The following PAPPA2 variants were observed in gnomAD, a reference collection of about 807,000 sequenced individuals.
PAPPA2 encodes the protein pappalysin-2.
In PAPPA2, 86 loss-of-function variants were observed where a neutral mutation model predicts 176.4. The observed-to-expected ratio is 0.49, with a 90% CI of 0.41 to 0.58. PAPPA2 has a LOEUF of 0.58. Among genes scored for constraint, PAPPA2 ranks in the 20% least tolerant of loss-of-function variants. The pLI is 0.00. For synonymous variants in PAPPA2, 809 were observed against 852.2 expected, an observed-to-expected ratio of 0.95 and a Z score of 0.88; for missense variants, 2,073 against 2,256.9, an observed-to-expected ratio of 0.92 and a Z score of 1.65.
intron 6 of PAPPA2, among the ~76,000 whole-genome samples, chr1:176,694,882 A>C (rs1019778417): frequency 1.3e-5 from 2 of 152,322 alleles, no homozygotes; most frequent in Admixed American, 1.3e-4. Flanking sequence ...ATGTGAATGG[A>C]AATTCTCAAC....
intron 17 of PAPPA2, among the ~76,000 whole-genome samples, chr1:176,772,133 T>C (rs1430928644): frequency 5.9e-5 from 9 of 152,226 alleles, no homozygotes; most frequent in Admixed American, 5.2e-4. Flanking sequence ...AAACTTTTTC[T>C]GAGTGAACGA....
chr1:176,654,441 A>G (rs1218432521), intron 3 of PAPPA2, among the ~76,000 whole-genome samples: 4 of 148,824 alleles, frequency 2.7e-5, no homozygotes, highest in Non-Finnish European at 6.0e-5. Context: ...GATATAATAC[A>G]TATATATAAT....
intron 2 of PAPPA2, among the ~76,000 whole-genome samples, chr1:176,563,247 C>T (rs1301637289): frequency 6.6e-6 from 1 of 152,114 alleles, no homozygotes; most frequent in Non-Finnish European, 1.5e-5. Context: ...CAGTGGCTTT[C>T]AGATTCTGTT....
At chr1:176,507,107 C>T (rs1572980630) in intron 1 of PAPPA2, among the ~76,000 whole-genome samples, 1 of 151,348 alleles carries the variant, frequency 6.6e-6, no homozygotes, top group South Asian at 2.1e-4. Flanking sequence ...AATAAATAAC[C>T]CCATTAAAAA....
chr1:176,695,966 A>ATGTGTGTGTG (rs67178111), intron 7 of PAPPA2, 107 bp downstream of exon 7: 47 of 865,772 alleles, frequency 5.4e-5, no homozygotes, highest in African/African-American at 2.9e-4. Context: ...ATGTATGTGT[A>ATGTGTGTGTG]TGTGTGTGTG....
intron 1 of PAPPA2, chr1:176,553,767 G>C (rs933969243): frequency 2.6e-5 from 4 of 152,092 alleles, no homozygotes; most frequent in Non-Finnish European, 2.9e-5. Flanking sequence ...GGGTTATGGG[G>C]TGGCATGCGG....
chr1:176,745,717 G>A (rs1421756066), intron 14 of PAPPA2, among the ~76,000 whole-genome samples: 1 of 152,218 alleles, frequency 6.6e-6, no homozygotes, highest in Non-Finnish European at 1.5e-5. Context: ...ATGTGGAAGA[G>A]GCTCCCAACC....
intron 3 of PAPPA2, among the ~76,000 whole-genome samples, chr1:176,609,546 G>A (rs954453946): frequency 1.3e-5 from 2 of 152,240 alleles, no homozygotes; most frequent in African/African-American, 4.8e-5. Flanking sequence ...TATATCTGAA[G>A]GAAGCAAGGG....
chr1:176,769,267 A>C (rs1354434005), intron 15 of PAPPA2, among the ~76,000 whole-genome samples: 2 of 152,204 alleles, frequency 1.3e-5, no homozygotes, highest in African/African-American at 4.8e-5. Flanking sequence ...AGTCAGAGGC[A>C]TGAAACCCAC....
intron 12 of PAPPA2, among the ~76,000 whole-genome samples, chr1:176,738,165 A>G (rs1052154289): frequency 6.6e-6 from 1 of 152,152 alleles, no homozygotes; most frequent in Non-Finnish European, 1.5e-5. Flanking sequence ...TCATCCAGAC[A>G]GGGACAAAGG....
chr1:176,840,231 A>C lies in PAPPA2; in HGVS notation c.5261A>C (p.Asp1754Ala). ...AACAACCGAGCCTACTGCCACTATGACGGGGGAGACTGCTGCTCTTCCACA... is the reference window on the plus strand; with the variant it reads ...AACAACCGAGCCTACTGCCACTATGCCGGGGGAGACTGCTGCTCTTCCACA... ...TINNRAYCHYDGGDCCSSTLS... is the reference protein window; with the variant it reads ...TINNRAYCHYAGGDCCSSTLS... The change falls in exon 22 of 23, where the codon GAC (aspartate) becomes GCC (alanine). Residue 1754 changes from aspartate to alanine, a missense_variant. Around this residue, in one of 4 missense-constraint regions of PAPPA2, gnomAD observed 27 missense variants for 52.1 expected, o/e 0.52. Transcript: ENST00000367662. 1 of 1,613,326 alleles carries C rather than the reference A, an allele frequency of 6.2e-7. No homozygotes were observed. The highest frequency in any genetic ancestry group is 8.5e-7 in the Non-Finnish European group (1 of 1,179,546).
intron 15 of PAPPA2, among the ~76,000 whole-genome samples, chr1:176,766,795 A>G (rs888706429): frequency 6.6e-6 from 1 of 152,208 alleles, no homozygotes; most frequent in Non-Finnish European, 1.5e-5. Flanking sequence ...TAGAAAAAGG[A>G]TGCACCAGGG....
chr1:176,766,887 A>T (rs1336025151), intron 15 of PAPPA2, among the ~76,000 whole-genome samples: 2 of 151,400 alleles, frequency 1.3e-5, no homozygotes, highest in Non-Finnish European at 2.9e-5. Flanking sequence ...TTAGCTAGAC[A>T]TCAGTGATTT....
intron 3 of PAPPA2, among the ~76,000 whole-genome samples, chr1:176,623,788 T>TTTCTTTC (rs1655836683): frequency 8.3e-6 from 1 of 120,004 alleles, no homozygotes; most frequent in Non-Finnish European, 1.7e-5. Flanking sequence ...TCTTTCTTTC[T>TTTCTTTC]TTCTTTCTTT....
intron 1 of PAPPA2, among the ~76,000 whole-genome samples, chr1:176,535,639 C>T (rs1216656005): frequency 6.6e-6 from 1 of 152,136 alleles, no homozygotes. Context: ...GCCAGAGAAG[C>T]AGTATCTATA....
intron 21 of PAPPA2, among the ~76,000 whole-genome samples, chr1:176,809,449 T>A (rs912526235): frequency 6.6e-6 from 1 of 152,194 alleles, no homozygotes; most frequent in East Asian, 1.9e-4. Flanking sequence ...TGTTACACTA[T>A]TCCTTGGATT....
chr1:176,732,027 T>C (rs1176320675), intron 12 of PAPPA2, among the ~76,000 whole-genome samples: 1 of 152,162 alleles, frequency 6.6e-6, no homozygotes, highest in Non-Finnish European at 1.5e-5. Context: ...TTAAAAAATA[T>C]AATTAGTCAG....
chr1:176,602,611 A>T (rs1460315290), intron 3 of PAPPA2, among the ~76,000 whole-genome samples: 2 of 152,166 alleles, frequency 1.3e-5, no homozygotes, highest in Non-Finnish European at 2.9e-5. Context: ...TGAGATTCAA[A>T]GTTCCCTGAA....
At chr1:176,532,211 T>C (rs1191761063) in intron 1 of PAPPA2, among the ~76,000 whole-genome samples, 1 of 152,232 alleles carries the variant, frequency 6.6e-6, no homozygotes, top group East Asian at 1.9e-4. Flanking sequence ...TTTTCTGAAC[T>C]GCAAGAATTA....
Sources: allele counts gnomAD v4.1 joint callset (sites outside exome capture counted in the v4.1 genomes callset), GRCh38; gene constraint gnomAD v4.1.1; regional missense constraint gnomAD v4.1.1; transcripts MANE v1.5; gene names NCBI Gene and HGNC (gene_info 2026-07-23, HGNC 2026-07-21).